The following NEGR1 variants were observed in gnomAD, a reference collection of about 807,000 sequenced individuals.
NEGR1 encodes neuronal growth regulator 1.
Under a neutral mutation model 40.9 loss-of-function variants are expected in NEGR1, and 10 were observed. The observed-to-expected ratio is 0.24, with a 90% CI of 0.15 to 0.42. NEGR1 has a LOEUF of 0.42. Ranked by LOEUF, NEGR1 falls within the 10% of genes least tolerant of loss-of-function variation. The probability of loss-of-function intolerance (pLI) is 1.00; values close to 1 mark genes in which losing one functional copy is unlikely to be tolerated. For synonymous variants in NEGR1, 185 were observed against 166.8 expected (o/e 1.11, Z -0.84); for missense variants, 352 against 438.9 (o/e 0.80, Z 1.77).
chr1:71,901,337 G>A (rs778461874), intron 2 of NEGR1, among the ~76,000 whole-genome samples: 6 of 152,036 alleles, frequency 3.9e-5, no homozygotes, highest in African/African-American at 1.4e-4. Flanking sequence ...TGGCACATTC[G>A]TACAATTATT....
At chr1:71,561,272 A>T (rs566096523) in intron 6 of NEGR1, among the ~76,000 whole-genome samples, 2 of 151,668 alleles carry the variant, frequency 1.3e-5, no homozygotes, top group African/African-American at 4.8e-5. Context: ...TTTAACACTC[A>T]AATTTCAATT....
At chr1:71,782,371 C>A (rs79700936) in intron 2 of NEGR1, among the ~76,000 whole-genome samples, 1 of 152,026 alleles carries the variant, frequency 6.6e-6, no homozygotes, top group African/African-American at 2.4e-5. Flanking sequence ...TTTTTTATAG[C>A]GCCTGAATGT....
At chr1:72,048,586 G>A (rs1647024991) in intron 1 of NEGR1, among the ~76,000 whole-genome samples, 1 of 151,528 alleles carries the variant, frequency 6.6e-6, no homozygotes, top group South Asian at 2.1e-4. Flanking sequence ...TGAGGGTGAG[G>A]TGAGTGGGTG....
intron 3 of NEGR1, among the ~76,000 whole-genome samples, chr1:71,736,448 G>A (rs1473617397): frequency 1.3e-5 from 2 of 152,040 alleles, no homozygotes; most frequent in African/African-American, 2.4e-5. Context: ...CATTTAAAAT[G>A]TATTTTTTCC....
intron 1 of NEGR1, among the ~76,000 whole-genome samples, chr1:72,000,193 C>T (rs150760711): frequency 1.3e-5 from 2 of 151,980 alleles, no homozygotes; most frequent in East Asian, 3.9e-4. Flanking sequence ...TATAAGCTTC[C>T]TTTAATTTTT....
chr1:71,476,667 G>A (rs1356352017), intron 6 of NEGR1, among the ~76,000 whole-genome samples: 1 of 152,052 alleles, frequency 6.6e-6, no homozygotes, highest in Non-Finnish European at 1.5e-5. Flanking sequence ...CCTCAATAAA[G>A]GCTGTGGACA....
chr1:71,696,077 G>C (rs1274539638), intron 4 of NEGR1, among the ~76,000 whole-genome samples: 1 of 151,632 alleles, frequency 6.6e-6, no homozygotes, highest in Non-Finnish European at 1.5e-5. Context: ...TTTTGTCTTT[G>C]TCCACTGTAT....
At chr1:72,148,371 G>A (rs1650990475) in intron 1 of NEGR1, among the ~76,000 whole-genome samples, 2 of 151,996 alleles carry the variant, frequency 1.3e-5, no homozygotes, top group Non-Finnish European at 2.9e-5. Context: ...TTCAGTGATG[G>A]CTCGAGTGGC....
intron 1 of NEGR1, among the ~76,000 whole-genome samples, chr1:72,045,014 C>CT (rs1322101715): frequency 6.6e-6 from 1 of 151,694 alleles, no homozygotes; most frequent in Admixed American, 6.6e-5. Context: ...AGATGGTGCT[C>CT]AAGAACTAAC....
chr1:71,638,824 T>C (rs1226146346), intron 4 of NEGR1, among the ~76,000 whole-genome samples: 1 of 151,922 alleles, frequency 6.6e-6, no homozygotes, highest in Non-Finnish European at 1.5e-5. Flanking sequence ...ATGCAAGCTG[T>C]TAGTATTTTC....
In NEGR1 at chr1:72,159,577, T is replaced by C. The variant is rs574451845; in HGVS notation, c.176+122742A>G. Among the ~76,000 whole-genome samples, 6 of 152,308 alleles carry C rather than the reference T, an allele frequency of 3.9e-5. No homozygotes were observed. The East Asian group carries it at 1.2e-3, about 29-fold the overall frequency. On this transcript the variant is annotated intron_variant, in intron 1 of 6. Coordinates refer to ENST00000357731, the MANE Select transcript of NEGR1 (RefSeq NM_173808.3). The stretch of plus-strand genomic sequence containing the variant: ...AGCAAGCAGTGTCACATACCTATTC[T>C]ACACAAATTAAAATATTTGGTTTCC...
chr1:71,535,734 A>G (rs72938088), intron 6 of NEGR1, among the ~76,000 whole-genome samples: 7,003 of 151,760 alleles, frequency 0.046, 548 homozygotes, highest in African/African-American at 0.16. Context: ...CTGGTGCTAC[A>G]GGCAGTAGAT....
chr1:71,763,111 A>C (rs186203521), intron 3 of NEGR1, among the ~76,000 whole-genome samples: 1 of 152,264 alleles, frequency 6.6e-6, no homozygotes, highest in East Asian at 1.9e-4. Flanking sequence ...TGCTGAGGGA[A>C]TAGCCCTGTA....
chr1:72,204,702 T>C (rs921870152), intron 1 of NEGR1, among the ~76,000 whole-genome samples: 2 of 148,788 alleles, frequency 1.3e-5, no homozygotes, highest in African/African-American at 4.8e-5. Context: ...GCAGTGTTAA[T>C]GAGCCTTAAA....
intron 3 of NEGR1, among the ~76,000 whole-genome samples, chr1:71,707,271 G>A (rs973128132): frequency 6.6e-6 from 1 of 152,124 alleles, no homozygotes; most frequent in African/African-American, 2.4e-5. Context: ...GGAGCCCACT[G>A]CCCTCAATGG....
intron 6 of NEGR1, among the ~76,000 whole-genome samples, chr1:71,512,205 G>T (rs1647078788): frequency 6.6e-6 from 1 of 151,636 alleles, no homozygotes; most frequent in African/African-American, 2.4e-5. Flanking sequence ...CATTCAAATG[G>T]ATCTTTTCTG....
At chr1:71,936,365 G>C (rs1160797669) in intron 1 of NEGR1, among the ~76,000 whole-genome samples, 1 of 152,136 alleles carries the variant, frequency 6.6e-6, no homozygotes, top group Non-Finnish European at 1.5e-5. Flanking sequence ...GTCTGTTGCT[G>C]TCTACAAGTT....
chr1:71,602,226 C>T (rs1163734811), intron 5 of NEGR1, among the ~76,000 whole-genome samples: 1 of 148,132 alleles, frequency 6.8e-6, no homozygotes, highest in Non-Finnish European at 1.5e-5. Flanking sequence ...TCTTCTCTTG[C>T]CCATGATTAT....
chr1:71,738,320 G>T, intron 3 of NEGR1: 1 of 254,476 alleles, frequency 3.9e-6, no homozygotes, highest in Admixed American at 4.5e-5. Context: ...GAGCAGGTTA[G>T]CAGACAAATA....
Sources: allele counts gnomAD v4.1 joint callset (sites outside exome capture counted in the v4.1 genomes callset), GRCh38; gene constraint gnomAD v4.1.1; transcripts MANE v1.5; gene names NCBI Gene and HGNC (gene_info 2026-07-23, HGNC 2026-07-21).